Variants in ALPK2 observed in about 807,000 individuals in gnomAD.
ALPK2 encodes the protein alpha-protein kinase 2.
ALPK2 carries 127 observed loss-of-function variants against 163.1 expected under a neutral mutation model. That is an observed-to-expected ratio of 0.78 (90% CI 0.67 to 0.90). The LOEUF (loss-of-function observed/expected upper bound fraction) is 0.90. Among genes scored for constraint, ALPK2 ranks in the 40% least tolerant of loss-of-function variants. ALPK2 has a pLI of 0.00. For missense variants in ALPK2, 2,360 were observed against 2,589.6 expected, an observed-to-expected ratio of 0.91 and a Z score of 1.92; for synonymous variants, 953 against 959.1, an observed-to-expected ratio of 0.99 and a Z score of 0.12.
chr18:58,616,887 C>T (rs938158434), intron 1 of ALPK2, among the ~76,000 whole-genome samples: 1 of 152,076 alleles, frequency 6.6e-6, no homozygotes, highest in African/African-American at 2.4e-5. Context: ...CCTTGACTTG[C>T]AGCTGGTGTT....
chr18:58,512,154 A>AC, intron 10 of ALPK2: 1 of 151,954 alleles, frequency 6.6e-6, no homozygotes, highest in South Asian at 2.1e-4. Flanking sequence ...CTGAGGACCG[A>AC]CCCCCTGTGG....
intron 8 of ALPK2, 126 bp downstream of exon 8, chr18:58,523,680 C>T (rs149246403): frequency 2.5e-4 from 296 of 1,187,736 alleles, no homozygotes; most frequent in African/African-American, 1.5e-3. Flanking sequence ...TCTTAAGTCA[C>T]GCCATAGCTC....
chr18:58,533,182 T>G (rs1391160560), intron 5 of ALPK2, among the ~76,000 whole-genome samples: 2 of 152,246 alleles, frequency 1.3e-5, no homozygotes, highest in Non-Finnish European at 2.9e-5. Flanking sequence ...TTTAGTGCAA[T>G]GGCGAGGTTG....
At chr18:58,488,434 G>A (rs1451415482) in intron 12 of ALPK2, among the ~76,000 whole-genome samples, 1 of 141,118 alleles carries the variant, frequency 7.1e-6, no homozygotes, top group Non-Finnish European at 1.5e-5. Context: ...CAGGGTGACT[G>A]CTTTCTCTCT....
chr18:58,601,269 T>C (rs753283587), intron 3 of ALPK2, among the ~76,000 whole-genome samples: 3 of 151,506 alleles, frequency 2.0e-5, no homozygotes, highest in Non-Finnish European at 4.4e-5. Context: ...AAAAAAAGGA[T>C]AAAAAAATTA....
chr18:58,574,029 G>A (rs1269759116), intron 4 of ALPK2, among the ~76,000 whole-genome samples: 14 of 152,116 alleles, frequency 9.2e-5, no homozygotes, highest in Admixed American at 9.2e-4. Flanking sequence ...AAAATCCTGA[G>A]TGCTAGGTGA....
chr18:58,499,600 T>C (rs1439042425), intron 11 of ALPK2, among the ~76,000 whole-genome samples: 2 of 152,212 alleles, frequency 1.3e-5, no homozygotes, highest in Admixed American at 1.3e-4. Context: ...TCCAACGCAG[T>C]GGACCTCTGC....
At chr18:58,605,943 G>A (rs2052095868) in intron 3 of ALPK2, among the ~76,000 whole-genome samples, 1 of 152,228 alleles carries the variant, frequency 6.6e-6, no homozygotes, top group South Asian at 2.1e-4. Flanking sequence ...GGCATATGTA[G>A]GTGCCTGAAG....
In ALPK2 at chr18:58,502,966, C is replaced by T. The variant is rs146593926; in HGVS notation, c.6247+965G>A. On this transcript the variant is annotated intron_variant, in intron 11 of 12. Coordinates refer to ENST00000361673, the MANE Select transcript of ALPK2 (RefSeq NM_052947.4). ...GGCTCCCTGCAGATGTCAGCTCCAG[C>T]GCCCACGGCAGTCACTGGCTAATAA... is the stretch of plus-strand genomic sequence containing the variant. 6.7e-3 allele frequency among the ~76,000 whole-genome samples: 1,022 copies of T among 152,284 alleles called. 24 individuals are homozygous for T. Among genetic ancestry groups the T allele is most frequent in the Admixed American group, 0.059 (909 of 15,302 alleles).
intron 1 of ALPK2, among the ~76,000 whole-genome samples, chr18:58,621,417 G>A (rs927697275): frequency 4.0e-5 from 6 of 151,558 alleles, no homozygotes; most frequent in African/African-American, 1.2e-4. Context: ...AACTACAGGC[G>A]CCCGCCACAA....
chr18:58,500,465 T>G (rs894764783), intron 11 of ALPK2, among the ~76,000 whole-genome samples: 2 of 152,206 alleles, frequency 1.3e-5, no homozygotes, highest in African/African-American at 4.8e-5. Context: ...AAAAGAAAAC[T>G]TCCCCCTGTC....
intron 1 of ALPK2, among the ~76,000 whole-genome samples, chr18:58,618,920 C>A (rs1444564434): frequency 6.6e-6 from 1 of 152,184 alleles, no homozygotes; most frequent in Non-Finnish European, 1.5e-5. Flanking sequence ...CACAGGTAAC[C>A]GGCTCTTGTG....
At chr18:58,533,273 C>T (rs2051625759) in intron 5 of ALPK2, among the ~76,000 whole-genome samples, 3 of 152,122 alleles carry the variant, frequency 2.0e-5, no homozygotes, top group Non-Finnish European at 4.4e-5. Flanking sequence ...CCATGGGTAA[C>T]TTGAAAAGTC....
chr18:58,595,314 G>A (rs1216312235), intron 3 of ALPK2, among the ~76,000 whole-genome samples: 1 of 152,130 alleles, frequency 6.6e-6, no homozygotes, highest in African/African-American at 2.4e-5. Context: ...ATGAGATCAG[G>A]GACTCCAGTA....
At chr18:58,625,069 T>G (rs561064327) in intron 1 of ALPK2, among the ~76,000 whole-genome samples, 1 of 152,316 alleles carries the variant, frequency 6.6e-6, no homozygotes, top group Admixed American at 6.5e-5. Flanking sequence ...TTTTCTGGAT[T>G]TCCTTTACAT....
intron 10 of ALPK2, among the ~76,000 whole-genome samples, chr18:58,512,754 G>A (rs1364647935): frequency 8.8e-5 from 13 of 147,896 alleles, no homozygotes; most frequent in East Asian, 8.1e-4. Context: ...GGTGTGTGTT[G>A]TGTGTATGTG....
At chr18:58,578,700 G>A in intron 4 of ALPK2, 114 bp downstream of exon 4, 2 of 890,986 alleles carry the variant, frequency 2.2e-6, no homozygotes, top group Non-Finnish European at 1.6e-6. Flanking sequence ...TTACATTATG[G>A]TATAGCAATT....
At chr18:58,511,611 A>T (rs902040273) in intron 10 of ALPK2, 3 of 152,230 alleles carry the variant, frequency 2.0e-5, no homozygotes, top group Admixed American at 1.3e-4. Flanking sequence ...TTGGAAAAAC[A>T]TTATTTTTTA....
In ALPK2 at chr18:58,557,803, A is replaced by G. The variant is rs1165998825; in HGVS notation, c.1963-19579T>C. 2.0e-5 allele frequency among the ~76,000 whole-genome samples: 3 copies of G among 152,052 alleles called. No homozygotes were observed. In the South Asian group the frequency reaches 6.2e-4, roughly 32 times the overall value. On this transcript the variant is annotated intron_variant, in intron 4 of 12. Transcript: ENST00000361673. The stretch of plus-strand genomic sequence containing the variant: ...GGCCCAGGGCAATAGCTTTTAAAAA[A>G]TTACAATAGAGCTGAGTACATGCAG...
Sources: gnomAD v4.1 joint callset for allele counts (sites outside exome capture counted in the v4.1 genomes callset) on GRCh38, gnomAD v4.1.1 for gene constraint, MANE v1.5 for transcripts, NCBI Gene and HGNC (gene_info 2026-07-23, HGNC 2026-07-21) for gene names.